ARHGAP35: variants seen among roughly 807,000 people sequenced by gnomAD.
ARHGAP35 encodes Rho GTPase activating protein 35, also known as rho GTPase-activating protein 35.
In ARHGAP35, 15 loss-of-function variants were observed where a neutral mutation model predicts 111.1. The observed-to-expected ratio is 0.13, with a 90% CI of 0.09 to 0.21. The LOEUF (loss-of-function observed/expected upper bound fraction) is 0.21. Among genes scored for constraint, ARHGAP35 ranks in the 10% least tolerant of loss-of-function variants. ARHGAP35 has a pLI of 1.00. For missense variants in ARHGAP35, 1,262 were observed against 1,873.0 expected (o/e 0.67, Z 6.02); for synonymous variants, 643 against 710.3 (o/e 0.91, Z 1.51).
chr19:46,905,544 T>G (rs2056102418), intron 1 of ARHGAP35, among the ~76,000 whole-genome samples: 1 of 149,414 alleles, frequency 6.7e-6, no homozygotes, highest in Non-Finnish European at 1.5e-5. Context: ...CCCAGCTAAT[T>G]TTTGTATTCC....
At chr19:46,879,120 A>G (rs1749274145) in intron 1 of ARHGAP35, among the ~76,000 whole-genome samples, 1 of 152,178 alleles carries the variant, frequency 6.6e-6, no homozygotes, top group Non-Finnish European at 1.5e-5. Context: ...TCATTTCTGC[A>G]GTGTTCACAG....
chr19:46,937,856 G>A (rs565680514), intron 3 of ARHGAP35, among the ~76,000 whole-genome samples: 39 of 152,320 alleles, frequency 2.6e-4, no homozygotes, highest in Admixed American at 5.9e-4. Context: ...TTGTTCGGAT[G>A]CCTGAGACCC....
At chr19:46,998,737 GA>G (rs2056729548) in intron 5 of ARHGAP35, among the ~76,000 whole-genome samples, 1 of 152,248 alleles carries the variant, frequency 6.6e-6, no homozygotes. Flanking sequence ...GGCGTTGGGG[GA>G]AAAGGGGGTG....
chr19:46,874,039 G>A (rs1014597827), intron 1 of ARHGAP35, among the ~76,000 whole-genome samples: 1 of 152,158 alleles, frequency 6.6e-6, no homozygotes, highest in African/African-American at 2.4e-5. Context: ...GAGCCACCTC[G>A]CCTGGCTAAG....
chr19:46,987,669 CTG>C (rs1019946298), intron 3 of ARHGAP35, among the ~76,000 whole-genome samples: 2 of 152,178 alleles, frequency 1.3e-5, no homozygotes, highest in African/African-American at 4.8e-5. Flanking sequence ...TATACTACCT[CTG>C]TTTTTTAAAT....
chr19:46,878,521 G>T (rs921419157), intron 1 of ARHGAP35, among the ~76,000 whole-genome samples: 21 of 152,102 alleles, frequency 1.4e-4, no homozygotes, highest in African/African-American at 3.4e-4. Flanking sequence ...GTTTCGCCAT[G>T]TTGGCCAGGG....
intron 3 of ARHGAP35, among the ~76,000 whole-genome samples, chr19:46,967,488 C>A (rs989021083): frequency 1.3e-5 from 2 of 152,188 alleles, no homozygotes; most frequent in Non-Finnish European, 2.9e-5. Flanking sequence ...TCACCCTCTT[C>A]TTGGTTTACT....
intron 2 of ARHGAP35, among the ~76,000 whole-genome samples, chr19:46,930,087 C>T (rs2122214729): frequency 6.6e-6 from 1 of 152,054 alleles, no homozygotes; most frequent in African/African-American, 2.4e-5. Flanking sequence ...TTTAAAAAGG[C>T]CAGACATGGT....
intron 3 of ARHGAP35, among the ~76,000 whole-genome samples, chr19:46,952,509 G>A (rs562935319): frequency 3.3e-5 from 5 of 152,272 alleles, no homozygotes; most frequent in South Asian, 4.1e-4. Flanking sequence ...GTATTTCCAC[G>A]TGCTTAACAA....
At chr19:46,959,790 C>T (rs1435998755) in intron 3 of ARHGAP35, among the ~76,000 whole-genome samples, 2 of 150,618 alleles carry the variant, frequency 1.3e-5, no homozygotes, top group African/African-American at 4.9e-5. Flanking sequence ...CCTTTTGTGC[C>T]ATTTAAAGGT....
At chr19:46,911,112 C>T (rs1054435939) in intron 1 of ARHGAP35, among the ~76,000 whole-genome samples, 30 of 152,342 alleles carry the variant, frequency 2.0e-4, no homozygotes, top group South Asian at 8.3e-4. Context: ...AACCCTTTTC[C>T]AGTCAATCTG....
Position 46,989,606 on chromosome 19 carries a change from A to T in ARHGAP35, c.3967A>T (p.Ser1323Cys). ...TVNTVAGAMKSFFSELPDPLV... is the reference protein window; with the variant it reads ...TVNTVAGAMKCFFSELPDPLV... ...GAATACCGTGGCTGGTGCCATGAAGAGCTTTTTCTCAGAACTGCCTGACCC... is the reference window on the plus strand; with the variant it reads ...GAATACCGTGGCTGGTGCCATGAAGTGCTTTTTCTCAGAACTGCCTGACCC... The change falls in exon 5 of 7, where the codon AGC becomes TGC. Residue 1323 changes from serine to cysteine, a missense_variant. Ser to Cys is a moderately radical substitution (Grantham distance 112). This residue lies in a region of ARHGAP35 where 45 missense variants were observed against 118.2 expected (regional missense o/e 0.38). Transcript: ENST00000672722. This position sits in a 1 kb window ranked among gnomAD's most constrained non-coding sequence, Gnocchi z 5.3. 1 of 1,613,980 alleles carries T rather than the reference A, an allele frequency of 6.2e-7. No homozygotes were observed. The highest frequency in any genetic ancestry group is 1.1e-5 in the South Asian group (1 of 91,086).
In ARHGAP35 at chr19:46,923,920, CA is replaced by C. The variant is rs34789986; in HGVS notation, c.3681+1576del. On this transcript the variant is annotated intron_variant, in intron 2 of 6. Coordinates refer to ENST00000672722, the MANE Select transcript of ARHGAP35 (RefSeq NM_004491.5). ...TGGGCAACAGAGGGAGACTCTGTCT[CA>C]AAAAAAAAAAAGGAAAAAGGAAAAA... 5.1e-3 allele frequency among the ~76,000 whole-genome samples: 568 copies of C among 111,914 alleles called. 1 individual carries two copies. Among genetic ancestry groups the C allele is most frequent in the Middle Eastern group, 0.016 (3 of 192 alleles). The allele number at this position is 111,914 out of a possible 152,430, so 73.4% of individuals were successfully genotyped here. A position where few individuals can be genotyped will look rare whatever the true frequency, so the allele number is the denominator to read the frequency against.
chr19:46,948,220 A>T (rs950670963), intron 3 of ARHGAP35: 1 of 152,208 alleles, frequency 6.6e-6, no homozygotes, highest in Non-Finnish European at 1.5e-5. Flanking sequence ...GGGGCCTAAC[A>T]CACCCAACAT....
chr19:46,966,528 A>G (rs907165034), intron 3 of ARHGAP35, among the ~76,000 whole-genome samples: 8 of 152,216 alleles, frequency 5.3e-5, no homozygotes, highest in African/African-American at 1.7e-4. Context: ...CAGCCTGAGT[A>G]ACAAAGCAAG....
At chr19:46,879,361 G>A (rs1030337001) in intron 1 of ARHGAP35, among the ~76,000 whole-genome samples, 3 of 152,118 alleles carry the variant, frequency 2.0e-5, no homozygotes, top group African/African-American at 7.2e-5. Flanking sequence ...GGCCAAGGCA[G>A]GCAGATCACG....
At chr19:46,936,996 C>A (rs751433155) in intron 2 of ARHGAP35, among the ~76,000 whole-genome samples, 1 of 151,988 alleles carries the variant, frequency 6.6e-6, no homozygotes, top group Non-Finnish European at 1.5e-5. Flanking sequence ...CCCACCACTA[C>A]GCCTGGCTAA....
chr19:46,893,120 G>C (rs1251158338), intron 1 of ARHGAP35, among the ~76,000 whole-genome samples: 7 of 152,134 alleles, frequency 4.6e-5, no homozygotes, highest in Admixed American at 1.3e-4. Flanking sequence ...AAGGGAGAAG[G>C]CTATAAATTA....
At chr19:46,971,468 T>G (rs1252825097) in intron 3 of ARHGAP35, among the ~76,000 whole-genome samples, 1 of 151,356 alleles carries the variant, frequency 6.6e-6, no homozygotes, top group Non-Finnish European at 1.5e-5. Flanking sequence ...ACTCCCTTGG[T>G]TTTTTGGGTT....
Sources: allele counts gnomAD v4.1 joint callset (sites outside exome capture counted in the v4.1 genomes callset), GRCh38; gene constraint gnomAD v4.1.1; regional missense constraint gnomAD v4.1.1; non-coding constraint Gnocchi (gnomAD v3.1); transcripts MANE v1.5; gene names NCBI Gene and HGNC (gene_info 2026-07-23, HGNC 2026-07-21).